TJAP1: variants seen among roughly 807,000 people sequenced by gnomAD.
The protein encoded by TJAP1 is tight junction-associated protein 1.
TJAP1 carries 27 observed loss-of-function variants against 42.0 expected under a neutral mutation model. The ratio of observed to expected loss-of-function variants is 0.64; its 90% confidence interval spans 0.47 to 0.89. The LOEUF (loss-of-function observed/expected upper bound fraction) is 0.89. TJAP1 is among the 40% of genes least tolerant of loss of function. TJAP1 has a pLI of 0.00. For missense variants in TJAP1, 712 were observed against 726.9 expected, an observed-to-expected ratio of 0.98 and a Z score of 0.24; for synonymous variants, 257 against 288.4, an observed-to-expected ratio of 0.89 and a Z score of 1.10.
chr6:43,490,787 C>T (rs1051036947), intron 2 of TJAP1, among the ~76,000 whole-genome samples: 1 of 151,970 alleles, frequency 6.6e-6, no homozygotes, highest in Admixed American at 6.6e-5. Flanking sequence ...GGAAGGGTGC[C>T]TCAGTAGAGT....
chr6:43,502,527 T>C, intron 7 of TJAP1, 61 bp from the exon 8 acceptor site: 1 of 1,544,936 alleles, frequency 6.5e-7, no homozygotes, highest in Non-Finnish European at 8.8e-7. Flanking sequence ...CTCACACTGT[T>C]TCTCTTCTTT....
At chr6:43,493,123 A>G (rs1363767196) in intron 2 of TJAP1, among the ~76,000 whole-genome samples, 1 of 152,236 alleles carries the variant, frequency 6.6e-6, no homozygotes, top group Non-Finnish European at 1.5e-5. Flanking sequence ...CTTTCATTTT[A>G]AAAGCAGTAG....
rs1452722587 is a variant in TJAP1, at chr6:43,491,235, A to G, written c.-121-6646A>G. Among the ~76,000 whole-genome samples, 1 of 152,128 alleles carries G rather than the reference A, an allele frequency of 6.6e-6. No individual in the cohort carries two copies. The highest frequency in any genetic ancestry group is 2.4e-5 in the African/African-American group (1 of 41,422). Reference sequence around the variant, plus strand: ...ATGATGATTTCTCGGAGGTTGATAGATTAAGAGACCAAAGTTGGTGGGGGA... The same window carrying G: ...ATGATGATTTCTCGGAGGTTGATAGGTTAAGAGACCAAAGTTGGTGGGGGA... On this transcript the variant is annotated intron_variant, in intron 2 of 10. Transcript: ENST00000372449. This position sits in a 1 kb window ranked among gnomAD's most constrained non-coding sequence, Gnocchi z 4.6.
chr6:43,503,507 A>G (rs891005826), exon 9 of TJAP1: 2 of 1,612,992 alleles, frequency 1.2e-6, no homozygotes. Flanking sequence ...GAAGAGCTCA[A>G]TGTATGTGCG....
At chr6:43,502,285 T>G in exon 7 of TJAP1, 1 of 1,614,024 alleles carries the variant, frequency 6.2e-7, no homozygotes, top group South Asian at 1.1e-5. Context: ...CTTTTCAGGC[T>G]GCAGAACAGC....
At chr6:43,486,182 C>A (rs1786457540) in intron 2 of TJAP1, among the ~76,000 whole-genome samples, 1 of 151,904 alleles carries the variant, frequency 6.6e-6, no homozygotes, top group Non-Finnish European at 1.5e-5. Context: ...CCAGGCTAGT[C>A]TGGAACTCCT....
intron 2 of TJAP1, among the ~76,000 whole-genome samples, chr6:43,493,951 T>A (rs563552195): frequency 2.0e-5 from 3 of 152,202 alleles, no homozygotes; most frequent in Admixed American, 1.3e-4. Flanking sequence ...TAAAGGACAC[T>A]GCTCAGCCAG....
At chr6:43,503,910 G>A (rs1424883562) in intron 10 of TJAP1, 8 of 710,324 alleles carry the variant, frequency 1.1e-5, no homozygotes, top group Admixed American at 1.0e-4. Context: ...GTTCTGGGGG[G>A]CCAGCCCTGT....
At chr6:43,497,176 A>C (rs1789392086) in intron 2 of TJAP1, 1 of 152,164 alleles carries the variant, frequency 6.6e-6, no homozygotes, top group Admixed American at 6.5e-5. Context: ...GCTTCTACCC[A>C]CTAGGTGCCA....
Position 43,505,829 on chromosome 6 carries a change from C to T in TJAP1, c.1648C>T (p.Gln550Ter). 1 of 1,487,672 alleles carries T rather than the reference C, an allele frequency of 6.7e-7. No individual in the cohort carries two copies. The allele number at this position is 1,487,672 out of a possible 1,614,324, so 92.2% of individuals were successfully genotyped here. The change falls in exon 11 of 11, where the codon CAG becomes TAG. Residue 550 changes from glutamine to a stop codon, truncating the protein, a stop_gained. Coordinates refer to ENST00000372449, the Ensembl canonical transcript of TJAP1. LOFTEE classifies it high-confidence loss of function. The surrounding 1 kb of genome is among the most constrained non-coding windows in gnomAD (Gnocchi z 5.5). ...CCGCAAGGACAGCCTGACCCAGGCC[C>T]AGGAGCAGGGCAACCTGCTCAACTA...
rs1391903146 is a variant in TJAP1 at position 43,503,816 on chromosome 6, C to T, written c.579+110C>T. ...TCTGTCCTCCTCTTCCCACTTTGCCCTCCTCTTGCCTCCATGTCACCTCTC... is the reference window on the plus strand; with the variant it reads ...TCTGTCCTCCTCTTCCCACTTTGCCTTCCTCTTGCCTCCATGTCACCTCTC... On this transcript the variant is annotated intron_variant, in intron 10 of 10. Coordinates refer to ENST00000372449, the Ensembl canonical transcript of TJAP1. The T allele has an allele frequency of 3.3e-6, 3 of 922,806 alleles. No homozygotes were observed. In the African/African-American group the frequency reaches 4.9e-5, roughly 15 times the overall value. The allele number at this position is 922,806 out of a possible 1,614,324, so 57.2% of individuals were successfully genotyped here. A position where few individuals can be genotyped will look rare whatever the true frequency, so the allele number is the denominator to read the frequency against.
At chr6:43,504,573 T>A in intron 10 of TJAP1, 188 bp from the exon 11 acceptor site, 1 of 750,216 alleles carries the variant, frequency 1.3e-6, no homozygotes, top group Non-Finnish European at 2.2e-6. Flanking sequence ...CTTTGAGTTG[T>A]CTTCCCCTCT....
intron 6 of TJAP1, among the ~76,000 whole-genome samples, chr6:43,502,076 A>ACACTCTCTCTCTCTCTCTCTCTCT (rs767085594): frequency 2.9e-5 from 2 of 68,930 alleles, no homozygotes. Context: ...ACACACACAC[A>ACACTCTCTCTCTCTCTCTCTCTCT]CTCTCTCTCT....
exon 4 of TJAP1, chr6:43,499,091 T>C (rs750751702): frequency 4.5e-5 from 72 of 1,613,790 alleles, no homozygotes; most frequent in Non-Finnish European, 5.9e-5. Context: ...GATCCCGGCT[T>C]GAGCAGGAGG....
At position 43,505,691 on chromosome 6, in the gene TJAP1, A is replaced by G. The variant is rs766095591; in HGVS notation, c.1510A>G (p.Arg504Gly). The G allele has an allele frequency of 6.2e-6, 10 of 1,600,010 alleles. No homozygotes were observed. In the East Asian group the frequency reaches 2.0e-4, roughly 32 times the overall value. Reference sequence around the variant, plus strand: ...GCGCCAGAGCCTGCTGCCCATTAACAGGGGCACAGAGGAGGGGCCAGGCAC... The same window carrying G: ...GCGCCAGAGCCTGCTGCCCATTAACGGGGGCACAGAGGAGGGGCCAGGCAC... Residue 504 changes from arginine to glycine, a missense_variant, in exon 11 of 11, where the codon AGG becomes GGG. Coordinates refer to ENST00000372449, the Ensembl canonical transcript of TJAP1. The surrounding 1 kb of genome is among the most constrained non-coding windows in gnomAD (Gnocchi z 5.5).
Position 43,505,003 on chromosome 6 carries a change from A to C in TJAP1, c.822A>C (p.Pro274=). The C allele has an allele frequency of 6.2e-7, 1 of 1,614,070 alleles. No individual in the cohort carries two copies. The highest frequency in any genetic ancestry group is 8.5e-7 in the Non-Finnish European group (1 of 1,180,010). ...TGAGTGAGGGTGTCCCAGGTGATCC[A>C]GCCAGTCCCCCGGCCCCTGGCAGCC... The change falls in exon 11 of 11, where the codon CCA becomes CCC. Residue 274 remains proline (P), a synonymous_variant. Transcript: ENST00000372449. The surrounding 1 kb of genome is among the most constrained non-coding windows in gnomAD (Gnocchi z 5.5).
At chr6:43,501,798 T>C (rs1242643659) in intron 6 of TJAP1, 111 bp downstream of exon 6, 2 of 662,906 alleles carry the variant, frequency 3.0e-6, no homozygotes, top group Non-Finnish European at 5.5e-6. Context: ...TCTGTCTCTC[T>C]CCTTTCATAG....
chr6:43,492,931 CA>C lies in TJAP1; in HGVS notation c.-121-4949del, dbSNP rs1788144542. 6.6e-6 allele frequency among the ~76,000 whole-genome samples: 1 copy of C among 152,170 alleles called. No homozygotes were observed. The highest frequency in any genetic ancestry group is 1.5e-5 in the Non-Finnish European group (1 of 68,042). On this transcript the variant is annotated intron_variant, in intron 2 of 10. Transcript: ENST00000372449. This position sits in a 1 kb window ranked among gnomAD's most constrained non-coding sequence, Gnocchi z 4.2. Reference sequence around the variant, plus strand: ...GACTCCACATCCAGCACTTACAGCTCAGGACAGTTCCTGAGGGGGAGGCCCC... The same window carrying C: ...GACTCCACATCCAGCACTTACAGCTCGGACAGTTCCTGAGGGGGAGGCCCC...
At chr6:43,490,439 T>G (rs1246828141) in intron 2 of TJAP1, among the ~76,000 whole-genome samples, 1 of 151,954 alleles carries the variant, frequency 6.6e-6, no homozygotes, top group South Asian at 2.1e-4. Context: ...TGAACTAGAG[T>G]GGGAAGGGAC....
Sources: allele counts gnomAD v4.1 joint callset (sites outside exome capture counted in the v4.1 genomes callset), GRCh38; gene constraint gnomAD v4.1.1; non-coding constraint Gnocchi (gnomAD v3.1); transcripts MANE v1.5; gene names NCBI Gene and HGNC (gene_info 2026-07-23, HGNC 2026-07-21).